Variants in USF3 observed in about 807,000 individuals in gnomAD.
USF3 encodes the protein basic helix-loop-helix domain-containing protein USF3.
Under a neutral mutation model 157.5 loss-of-function variants are expected in USF3, and 29 were observed. The observed-to-expected ratio is 0.18, with a 90% CI of 0.14 to 0.25. The LOEUF (loss-of-function observed/expected upper bound fraction) is 0.25. USF3 is among the 10% of genes least tolerant of loss of function. The pLI is 1.00. For synonymous variants in USF3, 893 were observed against 941.4 expected (o/e 0.95, Z 0.94); for missense variants, 2,381 against 2,667.6 (o/e 0.89, Z 2.37).
chr3:113,665,478 T>C (rs1357204457), intron 5 of USF3, among the ~76,000 whole-genome samples: 13 of 152,246 alleles, frequency 8.5e-5, no homozygotes, highest in Non-Finnish European at 2.9e-5. Context: ...GTACGTTATG[T>C]TAAAGTATTC....
chr3:113,670,093 T>C (rs755990203), intron 5 of USF3, 28 bp downstream of exon 5: 1 of 1,433,906 alleles, frequency 7.0e-7, no homozygotes, highest in Non-Finnish European at 9.8e-7. Flanking sequence ...TCATAAGTAA[T>C]GAATGAAGAT....
Position 113,655,725 on chromosome 3 carries a change from C to T in USF3, c.5957G>A (p.Ser1986Asn). Residue 1986 changes from serine to asparagine, a missense_variant, in exon 7 of 7, where the codon AGT becomes AAT. Ser to Asn is a conservative substitution (Grantham distance 46, BLOSUM62 1). Around this residue, in one of 6 missense-constraint regions of USF3, gnomAD observed 770 missense variants for 824.2 expected, o/e 0.93. Coordinates refer to ENST00000316407, the MANE Select transcript of USF3 (RefSeq NM_001009899.4). The stretch of plus-strand genomic sequence containing the variant: ...TTCAGGCTGACGAATTTTGGAACCA[C>T]TGCTGTCTTGCAGGGGATGCCTTGA... The part of the protein sequence containing the change: ...QRSRHPLQDS[S>N]GSKIRQPERN... The T allele has an allele frequency of 6.2e-7, 1 of 1,613,948 alleles. No homozygotes were observed. Among genetic ancestry groups the T allele is most frequent in the Non-Finnish European group, 8.5e-7 (1 of 1,179,928 alleles).
chr3:113,669,845 A>T (rs1021767137), intron 5 of USF3, among the ~76,000 whole-genome samples: 10 of 152,232 alleles, frequency 6.6e-5, no homozygotes, highest in African/African-American at 2.2e-4. Context: ...ATGCCTTGCA[A>T]ATAGAGTGGC....
At position 113,659,859 on chromosome 3, in the gene USF3, C is replaced by A. The variant is rs1458017822; in HGVS notation, c.1823G>T (p.Gly608Val). The A allele has an allele frequency of 1.2e-6, 2 of 1,614,158 alleles. No individual in the cohort carries two copies. Among genetic ancestry groups the A allele is most frequent in the Admixed American group, 1.7e-5 (1 of 60,016 alleles). ...PPGSVRLPIN[G>V]ANTVIGSNNS... ...ATTAGACCCTATTACAGTATTGGCT[C>A]CATTGATGGGGAGTCGAACAGAACC... The change falls in exon 7 of 7, where the codon GGA becomes GTA. Residue 608 changes from glycine (G) to valine (V), a missense_variant. By Grantham distance (109) the Gly-to-Val change is moderately radical. Around this residue, in one of 6 missense-constraint regions of USF3, gnomAD observed 1,435 missense variants for 1,550.9 expected, o/e 0.93. Coordinates refer to ENST00000316407, the MANE Select transcript of USF3 (RefSeq NM_001009899.4).
rs778922613 is a variant in USF3, at chr3:113,657,265, GC to G, written c.4416del (p.Gln1472HisfsTer11). On this transcript the variant is annotated frameshift_variant, in exon 7 of 7. Transcript: ENST00000316407. LOFTEE classifies it high-confidence loss of function. Reference protein sequence around the residue: ...QQQQQQQQQQQQQQQQQAGQL... With the variant: ...QQQQQQQQQQXQQQQQQAGQL... ...TGCCCTGCTTGTTGTTGTTGCTGTT[GC>G]TGCTGCTGCTGCTGCTGCTGCTGCT... is the stretch of plus-strand genomic sequence containing the variant. 7.9e-4 allele frequency: 46 copies of G among 57,944 alleles called. No homozygotes were observed. Among genetic ancestry groups the G allele is most frequent in the Admixed American group, 9.9e-4 (1 of 1,012 alleles). The allele number at this position is 57,944 out of a possible 1,614,324, so 3.6% of individuals were successfully genotyped here.
intron 2 of USF3, 104 bp downstream of exon 2, chr3:113,677,178 A>T (rs189947012): frequency 1.3e-5 from 2 of 152,314 alleles, no homozygotes; most frequent in African/African-American, 4.8e-5. Flanking sequence ...TTTGTGAAGT[A>T]CCTATCAGCC....
intron 5 of USF3, among the ~76,000 whole-genome samples, chr3:113,669,385 C>G (rs898894710): frequency 1.3e-5 from 2 of 150,794 alleles, no homozygotes; most frequent in Non-Finnish European, 3.0e-5. Context: ...GGTTAGGAAG[C>G]AGGTAGGAGA....
Position 113,652,108 on chromosome 3 carries a change from A to AGAGAGAGTGTGTGTGTGTGTGTGTGTGT in USF3, c.*2835_*2836insACACACACACACACACACACACTCTCTC, listed in dbSNP as rs1266464109. ...TGGAGAGAGAGAGAGAGAGAGAGAGAGTGTGTGTGTGTGTGTGTGTGTGTG... is the reference window on the plus strand; with the variant it reads ...TGGAGAGAGAGAGAGAGAGAGAGAGAGAGAGAGTGTGTGTGTGTGTGTGTGTGTGTGTGTGTGTGTGTGTGTGTGTGTG... On this transcript the variant is annotated 3_prime_UTR_variant, in exon 7 of 7. Transcript: ENST00000316407. 1 of 141,976 alleles carries AGAGAGAGTGTGTGTGTGTGTGTGTGTGT rather than the reference A, an allele frequency of 7.0e-6. No individual in the cohort carries two copies. The highest frequency in any genetic ancestry group is 2.6e-5 in the African/African-American group (1 of 38,274). The allele number at this position is 141,976 out of a possible 1,614,324, so 8.8% of individuals were successfully genotyped here. A position where few individuals can be genotyped will look rare whatever the true frequency, so the allele number is the denominator to read the frequency against.
rs1369321633 is a variant in USF3 at position 113,650,333 on chromosome 3, T to C, written c.*4611A>G. Reference sequence around the variant, plus strand: ...AAATTATTGTTGCTTTTTAAGAGAATACAAGGCATACTGGTTCCCAAAGCC... The same window carrying C: ...AAATTATTGTTGCTTTTTAAGAGAACACAAGGCATACTGGTTCCCAAAGCC... On this transcript the variant is annotated 3_prime_UTR_variant, in exon 7 of 7. Transcript: ENST00000316407. 6.4e-6 allele frequency: 1 copy of C among 157,234 alleles called. No homozygotes were observed. The highest frequency in any genetic ancestry group is 2.4e-5 in the African/African-American group (1 of 41,486). The allele number at this position is 157,234 out of a possible 1,614,324, so 9.7% of individuals were successfully genotyped here. A position where few individuals can be genotyped will look rare whatever the true frequency, so the allele number is the denominator to read the frequency against.
At chr3:113,662,865 A>G (rs181815976) in intron 6 of USF3, among the ~76,000 whole-genome samples, 1 of 152,146 alleles carries the variant, frequency 6.6e-6, no homozygotes, top group Non-Finnish European at 1.5e-5. Context: ...GATGTGAGAA[A>G]CAGGCCCAGA....
At chr3:113,670,860 G>C (rs969688478) in intron 4 of USF3, among the ~76,000 whole-genome samples, 5 of 151,886 alleles carry the variant, frequency 3.3e-5, no homozygotes, top group Non-Finnish European at 5.9e-5. Flanking sequence ...CTGGGCTCAG[G>C]CCTCCCGAAT....
rs770020217 is a variant in USF3, at chr3:113,656,049, C to T, written c.5633G>A (p.Ser1878Asn). 3.1e-6 allele frequency: 5 copies of T among 1,614,196 alleles called. No individual in the cohort carries two copies. The highest frequency in any genetic ancestry group is 2.2e-5 in the South Asian group (2 of 91,084). Reference protein sequence around the residue: ...RRESESQNRESCDMSLGAINT... With the variant: ...RRESESQNRENCDMSLGAINT... Reference sequence around the variant, plus strand: ...AATTGCACCTAACGACATGTCACAACTTTCCCTATTCTGACTCTCACTCTC... The same window carrying T: ...AATTGCACCTAACGACATGTCACAATTTTCCCTATTCTGACTCTCACTCTC... Residue 1878 changes from serine to asparagine, a missense_variant, in exon 7 of 7, where the codon AGT becomes AAT. This residue lies in a region of USF3 where 770 missense variants were observed against 824.2 expected (regional missense o/e 0.93). Transcript: ENST00000316407.
chr3:113,686,995 T>C (rs2107959846), intron 1 of USF3, among the ~76,000 whole-genome samples: 1 of 152,310 alleles, frequency 6.6e-6, no homozygotes, highest in Non-Finnish European at 1.5e-5. Flanking sequence ...GAAGAGTTAA[T>C]CTCTACCTCT....
chr3:113,662,748 CA>C (rs1488328484), intron 6 of USF3, among the ~76,000 whole-genome samples: 1 of 152,124 alleles, frequency 6.6e-6, no homozygotes, highest in Non-Finnish European at 1.5e-5. Flanking sequence ...TAACATTTAT[CA>C]AGCAATTACT....
chr3:113,684,521 C>T (rs960245081), intron 1 of USF3, among the ~76,000 whole-genome samples: 4 of 152,072 alleles, frequency 2.6e-5, no homozygotes, highest in Admixed American at 1.3e-4. Flanking sequence ...TTTTCTAAAT[C>T]CTGTGGGCAT....
Position 113,670,175 on chromosome 3 carries a change from A to G in USF3, c.105T>C (p.Asn35=). 7.4e-6 allele frequency: 12 copies of G among 1,613,466 alleles called. No homozygotes were observed. The highest frequency in any genetic ancestry group is 1.0e-5 in the Non-Finnish European group (12 of 1,179,340). Residue 35 remains asparagine, a synonymous_variant, in exon 5 of 7, where the codon AAT becomes AAC. Coordinates refer to ENST00000316407, the MANE Select transcript of USF3 (RefSeq NM_001009899.4). ...GCTCTCCTATTCTGTTTATCCCAGC[A>G]TTAATTTTCTTCTTTCTATGCCTCT... ...AVERHRKKKI[N]AGINRIGELI...
intron 4 of USF3, 138 bp from the exon 5 acceptor site, chr3:113,670,341 G>T: frequency 1.6e-6 from 1 of 624,760 alleles, no homozygotes. Context: ...GTTCACACCT[G>T]CAAACCCAGC....
At chr3:113,664,227 T>C (rs1170837956) in intron 6 of USF3, 86 bp downstream of exon 6, 3 of 824,306 alleles carry the variant, frequency 3.6e-6, no homozygotes, top group Non-Finnish European at 5.7e-6. Context: ...CAAAAAGCTT[T>C]CTATGTCATA....
chr3:113,667,978 T>A (rs928975559), intron 5 of USF3, among the ~76,000 whole-genome samples: 1 of 152,048 alleles, frequency 6.6e-6, no homozygotes, highest in Non-Finnish European at 1.5e-5. Context: ...GGAGATAACA[T>A]AGAGAAGCAA....
Sources: gnomAD v4.1 joint callset for allele counts (sites outside exome capture counted in the v4.1 genomes callset) on GRCh38, gnomAD v4.1.1 for gene constraint, gnomAD v4.1.1 regional missense constraint, MANE v1.5 for transcripts, NCBI Gene and HGNC (gene_info 2026-07-23, HGNC 2026-07-21) for gene names.